BNC2: variants seen among roughly 807,000 people sequenced by gnomAD.
BNC2 encodes zinc finger protein basonuclin-2.
BNC2 carries 20 observed loss-of-function variants against 76.3 expected under a neutral mutation model. That is an observed-to-expected ratio of 0.26 (90% CI 0.18 to 0.38). The LOEUF (loss-of-function observed/expected upper bound fraction) is 0.38. Among genes scored for constraint, BNC2 ranks in the 10% least tolerant of loss-of-function variants. The pLI, the probability that BNC2 is intolerant of heterozygous loss-of-function variation, is 1.00. For synonymous variants in BNC2, 582 were observed against 514.8 expected (o/e 1.13, Z -1.77); for missense variants, 1,382 against 1,399.8 (o/e 0.99, Z 0.20).
At chr9:16,793,633 A>C (rs1466679186) in intron 1 of BNC2, among the ~76,000 whole-genome samples, 1 of 134,104 alleles carries the variant, frequency 7.5e-6, no homozygotes, top group African/African-American at 2.7e-5. Flanking sequence ...CCAAAGGGGT[A>C]CTTGCCTTCC....
At chr9:16,862,028 G>A (rs546207341) in intron 1 of BNC2, among the ~76,000 whole-genome samples, 3 of 152,108 alleles carry the variant, frequency 2.0e-5, no homozygotes, top group East Asian at 3.9e-4. Flanking sequence ...AAGTGTTGAG[G>A]AGGGTGTAGA....
intron 2 of BNC2, among the ~76,000 whole-genome samples, chr9:16,735,107 G>C (rs1824625723): frequency 6.6e-6 from 1 of 152,176 alleles, no homozygotes; most frequent in South Asian, 2.1e-4. Flanking sequence ...AAGGATTTGA[G>C]TAGGGTATGG....
intron 3 of BNC2, among the ~76,000 whole-genome samples, chr9:16,597,770 GCTC>G (rs1365060810): frequency 6.6e-5 from 10 of 151,862 alleles, no homozygotes; most frequent in African/African-American, 1.2e-4. Context: ...AAATAAATCT[GCTC>G]CTATTTGTAC....
At chr9:16,841,383 T>G (rs1818821584) in intron 1 of BNC2, among the ~76,000 whole-genome samples, 2 of 152,216 alleles carry the variant, frequency 1.3e-5, no homozygotes, top group South Asian at 2.1e-4. Flanking sequence ...ATACCTACAC[T>G]GCCTATGCTA....
intron 5 of BNC2, among the ~76,000 whole-genome samples, chr9:16,541,882 GA>G (rs556166975): frequency 2.0e-5 from 3 of 151,636 alleles, no homozygotes; most frequent in Non-Finnish European, 4.4e-5. Context: ...TAAGGAATCT[GA>G]AAAAAAATGC....
At chr9:16,794,996 C>A (rs1455379218) in intron 1 of BNC2, among the ~76,000 whole-genome samples, 2 of 152,104 alleles carry the variant, frequency 1.3e-5, no homozygotes, top group Non-Finnish European at 2.9e-5. Context: ...CTCCTCCATG[C>A]CCACGAACAG....
chr9:16,753,270 T>C (rs1825275706), intron 1 of BNC2, among the ~76,000 whole-genome samples: 1 of 152,262 alleles, frequency 6.6e-6, no homozygotes, highest in Admixed American at 6.5e-5. Context: ...AATTTCTATA[T>C]AAATTTGATT....
chr9:16,736,021 G>A (rs1184498804), intron 2 of BNC2, among the ~76,000 whole-genome samples: 1 of 151,546 alleles, frequency 6.6e-6, no homozygotes, highest in East Asian at 2.0e-4. Flanking sequence ...ATCACTTGAG[G>A]ACAGGAGTTT....
rs901303788 is a variant in BNC2, at chr9:16,777,528, G to A, written c.4-39043C>T. ...ATCCTGGCTTACACAGTGAAACCCC[G>A]TCTCCACTAAAAATACAAAAAAATT... On this transcript the variant is annotated intron_variant, in intron 1 of 6. Coordinates refer to ENST00000380672, the MANE Select transcript of BNC2 (RefSeq NM_017637.6). Among the ~76,000 whole-genome samples, 7 of 151,968 alleles carry A rather than the reference G, an allele frequency of 4.6e-5. No individual in the cohort carries two copies. In the East Asian group the frequency reaches 1.2e-3, roughly 25 times the overall value.
At chr9:16,818,940 C>T (rs1326681181) in intron 1 of BNC2, among the ~76,000 whole-genome samples, 3 of 152,124 alleles carry the variant, frequency 2.0e-5, no homozygotes, top group Admixed American at 2.0e-4. Context: ...CCTATCTTAA[C>T]AATATACTCT....
chr9:16,805,473 C>T (rs560219051), intron 1 of BNC2, among the ~76,000 whole-genome samples: 5 of 151,912 alleles, frequency 3.3e-5, no homozygotes, highest in South Asian at 2.1e-4. Context: ...ATTACAGGCG[C>T]GTGCCACCAC....
intron 4 of BNC2, among the ~76,000 whole-genome samples, chr9:16,555,483 T>G (rs1234682370): frequency 6.6e-6 from 1 of 152,194 alleles, no homozygotes; most frequent in African/African-American, 2.4e-5. Flanking sequence ...TTCTTCTTCA[T>G]AAGTGTACCA....
intron 3 of BNC2, among the ~76,000 whole-genome samples, chr9:16,584,158 A>T (rs1479608247): frequency 1.3e-5 from 2 of 152,110 alleles, no homozygotes; most frequent in Non-Finnish European, 2.9e-5. Flanking sequence ...ATCTCTCTGC[A>T]GATTTAGATG....
intron 5 of BNC2, among the ~76,000 whole-genome samples, chr9:16,445,743 T>C (rs1049067734): frequency 6.6e-6 from 1 of 152,216 alleles, no homozygotes; most frequent in Non-Finnish European, 1.5e-5. Context: ...CTTGTTAACA[T>C]TGACCTATGT....
intron 1 of BNC2, among the ~76,000 whole-genome samples, chr9:16,830,456 T>G (rs1429784781): frequency 6.6e-6 from 1 of 152,236 alleles, no homozygotes; most frequent in Non-Finnish European, 1.5e-5. Context: ...AAATGCTACG[T>G]AAATATTTGA....
chr9:16,646,982 C>T (rs1821647093), intron 3 of BNC2, among the ~76,000 whole-genome samples: 1 of 152,042 alleles, frequency 6.6e-6, no homozygotes, highest in Non-Finnish European at 1.5e-5. Context: ...CCATGCCCAC[C>T]CATGAGCAGA....
At chr9:16,601,578 G>C (rs1166151721) in intron 3 of BNC2, among the ~76,000 whole-genome samples, 1 of 152,162 alleles carries the variant, frequency 6.6e-6, no homozygotes, top group African/African-American at 2.4e-5. Flanking sequence ...CTGAGTCCAA[G>C]CCAACTGTTG....
chr9:16,689,925 T>C (rs974187018), intron 3 of BNC2, among the ~76,000 whole-genome samples: 1 of 152,112 alleles, frequency 6.6e-6, no homozygotes, highest in Non-Finnish European at 1.5e-5. Context: ...AAACAAATTA[T>C]CCAACACTGT....
chr9:16,494,808 C>T (rs2131676840), intron 5 of BNC2, among the ~76,000 whole-genome samples: 1 of 152,068 alleles, frequency 6.6e-6, no homozygotes, highest in African/African-American at 2.4e-5. Context: ...GGGAGGGGAA[C>T]ATCACACAGC....
Sources: allele counts gnomAD v4.1 joint callset (sites outside exome capture counted in the v4.1 genomes callset), GRCh38; gene constraint gnomAD v4.1.1; transcripts MANE v1.5; gene names NCBI Gene and HGNC (gene_info 2026-07-23, HGNC 2026-07-21).